The following DNAJC6 variants were observed in gnomAD, a reference collection of about 807,000 sequenced individuals.
DNAJC6 encodes the protein auxilin.
A neutral mutation model predicts 110.0 loss-of-function variants in DNAJC6; 34 were observed. That is an observed-to-expected ratio of 0.31 (90% CI 0.24 to 0.41). The LOEUF (loss-of-function observed/expected upper bound fraction) is 0.41. Among genes scored for constraint, DNAJC6 ranks in the 10% least tolerant of loss-of-function variants. The pLI, the probability that DNAJC6 is intolerant of heterozygous loss-of-function variation, is 1.00. For synonymous variants in DNAJC6, 406 were observed against 437.2 expected (o/e 0.93, Z 0.89); for missense variants, 1,031 against 1,207.8 (o/e 0.85, Z 2.17).
At chr1:65,266,783 G>A (rs977564682) in intron 1 of DNAJC6, among the ~76,000 whole-genome samples, 1 of 152,090 alleles carries the variant, frequency 6.6e-6, no homozygotes, top group Non-Finnish European at 1.5e-5. Flanking sequence ...GGAGGCCCAG[G>A]TTAAGGTTAA....
At chr1:65,274,006 T>G (rs537021408) in intron 1 of DNAJC6, among the ~76,000 whole-genome samples, 1 of 152,224 alleles carries the variant, frequency 6.6e-6, no homozygotes, top group Non-Finnish European at 1.5e-5. Context: ...GCGGATCTTC[T>G]GTATCCTCAC....
intron 12 of DNAJC6, among the ~76,000 whole-genome samples, chr1:65,394,012 C>T (rs1437450244): frequency 1.1e-4 from 17 of 152,164 alleles, no homozygotes; most frequent in Non-Finnish European, 1.3e-4. Flanking sequence ...AATGCTATTT[C>T]ATCTGTACTT....
At chr1:65,308,832 T>G (rs1347936127), upstream of DNAJC6, among the ~76,000 whole-genome samples, 2 of 152,162 alleles carry the variant, frequency 1.3e-5, no homozygotes, top group Non-Finnish European at 2.9e-5. Flanking sequence ...CCCCAGTTTA[T>G]TCGCTCAACA....
chr1:65,334,305 G>A (rs963641236), intron 1 of DNAJC6, among the ~76,000 whole-genome samples: 3 of 152,232 alleles, frequency 2.0e-5, no homozygotes, highest in Non-Finnish European at 2.9e-5. Flanking sequence ...TTGAGATAAA[G>A]CACAGAATGT....
At position 65,278,897 on chromosome 1, in the gene DNAJC6, G is replaced by A. The variant is rs926027857; in HGVS notation, c.-131+13965G>A. On this transcript the variant is annotated intron_variant, in intron 1 of 19. Transcript: ENST00000263441. ...GAATCTGGCATGCGCTAACATTGGA[G>A]CTGGGCGACATTCTCAGAATCCCAG... 4 of 909,082 alleles carry A rather than the reference G, an allele frequency of 4.4e-6. No individual in the cohort carries two copies. The African/African-American group carries it at 7.2e-5, about 16-fold the overall frequency. 56.3% of individuals were successfully genotyped at this position (909,082 alleles called of 1,614,324 possible). A position where few individuals can be genotyped will look rare whatever the true frequency, so the allele number is the denominator to read the frequency against.
chr1:65,326,506 G>A (rs1255203329), intron 1 of DNAJC6, among the ~76,000 whole-genome samples: 10 of 152,138 alleles, frequency 6.6e-5, no homozygotes, highest in African/African-American at 2.2e-4. Context: ...GTCTTTACCC[G>A]TTTCTTAGTC....
At chr1:65,369,892 G>A (rs1398852154) in intron 4 of DNAJC6, among the ~76,000 whole-genome samples, 1 of 152,164 alleles carries the variant, frequency 6.6e-6, no homozygotes, top group Non-Finnish European at 1.5e-5. Context: ...ATTTGCATAT[G>A]TCACAGAATG....
In DNAJC6 at chr1:65,392,678, G is replaced by T. The variant is rs201766287; in HGVS notation, c.1716G>T (p.Ala572=). The change falls in exon 12 of 19, where the codon GCG becomes GCT. Residue 572 remains alanine (A), a synonymous_variant. Transcript: ENST00000371069. The part of the protein sequence containing the change: ...SAMSNSFSPP[A]APPTNSELLS... ...TGAGTAACAGCTTCTCTCCGCCAGCGGCTCCTCCCACCAATTCTGAACTAC... is the reference window on the plus strand; with the variant it reads ...TGAGTAACAGCTTCTCTCCGCCAGCTGCTCCTCCCACCAATTCTGAACTAC... 2 of 1,612,744 alleles carry T rather than the reference G, an allele frequency of 1.2e-6. No individual in the cohort carries two copies. The highest frequency in any genetic ancestry group is 2.2e-5 in the South Asian group (2 of 90,792).
intron 1 of DNAJC6, among the ~76,000 whole-genome samples, chr1:65,320,087 AT>A (rs774659662): frequency 5.3e-5 from 8 of 152,162 alleles, no homozygotes; most frequent in Admixed American, 4.6e-4. Flanking sequence ...TCACTTTCCA[AT>A]TTAGGCAATT....
intron 1 of DNAJC6, among the ~76,000 whole-genome samples, chr1:65,323,517 CT>C (rs774302252): frequency 1.3e-5 from 2 of 152,158 alleles, no homozygotes; most frequent in Non-Finnish European, 2.9e-5. Context: ...AGTTAAACTT[CT>C]TTTCTTCATA....
intron 1 of DNAJC6, among the ~76,000 whole-genome samples, chr1:65,331,215 T>C (rs994290157): frequency 6.6e-6 from 1 of 152,224 alleles, no homozygotes; most frequent in East Asian, 1.9e-4. Context: ...GGTTGGTTCT[T>C]TGTAGCCATT....
chr1:65,289,243 T>C (rs761120397), intron 1 of DNAJC6, among the ~76,000 whole-genome samples: 4 of 152,178 alleles, frequency 2.6e-5, no homozygotes, highest in Admixed American at 2.0e-4. Context: ...TTACCTAGGC[T>C]GGAGTGCAGT....
rs759323647 is a variant in DNAJC6 at position 65,386,817 on chromosome 1, A to G, written c.1001A>G (p.Tyr334Cys). ...ATTTTGGTCTGTGTTTACAGAGAATATCGTGTCCAAGATGGAAAAATCTTC... is the reference window on the plus strand; with the variant it reads ...ATTTTGGTCTGTGTTTACAGAGAATGTCGTGTCCAAGATGGAAAAATCTTC... ...TCTDFERMKE[Y>C]RVQDGKIFIP... The change falls in exon 8 of 19, where the codon TAT becomes TGT. Residue 334 changes from tyrosine to cysteine, a missense_variant. By Grantham distance (194) the Tyr-to-Cys change is radical (BLOSUM62 -2). Coordinates refer to ENST00000371069, the MANE Select transcript of DNAJC6 (RefSeq NM_001256864.2). 3.1e-6 allele frequency: 5 copies of G among 1,613,836 alleles called. No individual in the cohort carries two copies. Among genetic ancestry groups the G allele is most frequent in the East Asian group, 2.2e-5 (1 of 44,888 alleles).
At chr1:65,411,146 T>C in intron 17 of DNAJC6, 104 bp from the exon 18 acceptor site, 1 of 1,170,112 alleles carries the variant, frequency 8.5e-7, no homozygotes, top group South Asian at 1.7e-5. Flanking sequence ...TTGCCCTAAG[T>C]GTTTTGATGT....
intron 6 of DNAJC6, 62 bp downstream of exon 6, chr1:65,384,388 T>C: frequency 7.5e-7 from 1 of 1,341,400 alleles, no homozygotes; most frequent in Non-Finnish European, 9.6e-7. Flanking sequence ...TGTACTGTTT[T>C]AAATCTGCCT....
chr1:65,309,716 G>T lies in DNAJC6; in HGVS notation c.-30G>T. On this transcript the variant is annotated 5_prime_UTR_variant, in exon 1 of 19. Coordinates refer to ENST00000371069, the MANE Select transcript of DNAJC6 (RefSeq NM_001256864.2). The stretch of plus-strand genomic sequence containing the variant: ...CATCTCCCTTTTCGCTTCCCAGGTT[G>T]ATTATTTTCTCTTTTCTCCGGGCTT... 1.3e-6 allele frequency: 2 copies of T among 1,539,876 alleles called. No individual in the cohort carries two copies. Among genetic ancestry groups the T allele is most frequent in the East Asian group, 2.6e-5 (1 of 39,178 alleles).
At chr1:65,334,572 C>G (rs76895749) in intron 1 of DNAJC6, among the ~76,000 whole-genome samples, 2,318 of 152,288 alleles carry the variant, frequency 0.015, 77 homozygotes, top group African/African-American at 0.054. Context: ...CTAAAAATTT[C>G]TATGAACGGG....
At chr1:65,302,303 A>G (rs1486182061) in intron 1 of DNAJC6, among the ~76,000 whole-genome samples, 4 of 130,346 alleles carry the variant, frequency 3.1e-5, no homozygotes, top group Non-Finnish European at 6.4e-5. Flanking sequence ...TATATATAAT[A>G]TATATGTTAC....
At chr1:65,400,297 G>A (rs1397960935) in intron 14 of DNAJC6, among the ~76,000 whole-genome samples, 1 of 152,212 alleles carries the variant, frequency 6.6e-6, no homozygotes, top group African/African-American at 2.4e-5. Context: ...ATTAACAAAT[G>A]CATTTCCTCA....
Sources: gnomAD v4.1 joint callset for allele counts (sites outside exome capture counted in the v4.1 genomes callset) on GRCh38, gnomAD v4.1.1 for gene constraint, MANE v1.5 for transcripts, NCBI Gene and HGNC (gene_info 2026-07-23, HGNC 2026-07-21) for gene names.